The following IGLL5 variants were observed in gnomAD, a reference collection of about 807,000 sequenced individuals.
The protein encoded by IGLL5 is immunoglobulin lambda like polypeptide 5, also known as immunoglobulin lambda-like polypeptide 5.
In IGLL5, 30 loss-of-function variants were observed where a neutral mutation model predicts 20.9. The ratio of observed to expected loss-of-function variants is 1.44; its 90% CI spans 1.07 to 1.95. IGLL5 has a LOEUF of 1.95. Among genes scored for constraint, IGLL5 ranks in the 30% most tolerant of loss-of-function variants. The pLI, the probability that IGLL5 is intolerant of heterozygous loss-of-function variation, is 0.00. For missense variants in IGLL5, 475 were observed against 270.7 expected (o/e 1.75, Z -5.30); for synonymous variants, 203 against 117.3 (o/e 1.73, Z -4.72).
At chr22:22,889,638 A>G (rs2067741676) in intron 1 of IGLL5, among the ~76,000 whole-genome samples, 1 of 151,302 alleles carries the variant, frequency 6.6e-6, no homozygotes, top group Admixed American at 6.6e-5. Context: ...CTCAGGCTGG[A>G]GTACAGTGGC....
At chr22:22,890,172 A>C (rs1288717624) in intron 1 of IGLL5, among the ~76,000 whole-genome samples, 1 of 150,406 alleles carries the variant, frequency 6.6e-6, no homozygotes, top group African/African-American at 2.4e-5. Flanking sequence ...TGCCAAAAAA[A>C]AAAAAGATTA....
At chr22:22,894,762 G>A (rs557236226) in intron 2 of IGLL5, among the ~76,000 whole-genome samples, 1 of 151,392 alleles carries the variant, frequency 6.6e-6, no homozygotes, top group South Asian at 2.1e-4. Context: ...GGCTTGTGGA[G>A]ACAGGAAACA....
intron 2 of IGLL5, 144 bp downstream of exon 2, chr22:22,893,962 T>C (rs999184836): frequency 1.3e-5 from 9 of 693,028 alleles, no homozygotes; most frequent in Admixed American, 4.3e-5. Flanking sequence ...CTGGAGGAGG[T>C]GCATTAGTCT....
chr22:22,889,281 A>G (rs1161759169), intron 1 of IGLL5, among the ~76,000 whole-genome samples: 1 of 151,086 alleles, frequency 6.6e-6, no homozygotes, highest in East Asian at 2.0e-4. Context: ...ATGAAATGGG[A>G]GCATGAAGTT....
At chr22:22,891,353 T>A (rs182266021) in intron 1 of IGLL5, among the ~76,000 whole-genome samples, 1 of 151,356 alleles carries the variant, frequency 6.6e-6, no homozygotes, top group East Asian at 2.0e-4. Context: ...TCTCAATTAC[T>A]ACATTACTGA....
At chr22:22,888,821 T>C (rs563860019) in intron 1 of IGLL5, among the ~76,000 whole-genome samples, 2 of 151,324 alleles carry the variant, frequency 1.3e-5, no homozygotes, top group Admixed American at 6.6e-5. Context: ...GTCCAGTCAT[T>C]GGAACAGGCC....
Position 22,893,934 on chromosome 22 carries a change from T to C in IGLL5, c.325+116T>C, listed in dbSNP as rs1406850062. On this transcript the variant is annotated intron_variant, in intron 2 of 2. Transcript: ENST00000526893. ...CCTCCCAGCCTTAAGCACTGACCCT[T>C]ACCTTTCTCCATGGGGCCTGGAGGA... 37 of 784,054 alleles carry C rather than the reference T, an allele frequency of 4.7e-5. 2 individuals are homozygous for C. The Middle Eastern group carries it at 6.9e-4, about 15-fold the overall frequency. 48.6% of individuals were successfully genotyped at this position (784,054 alleles called of 1,614,324 possible). A position where few individuals can be genotyped will look rare whatever the true frequency, so the allele number is the denominator to read the frequency against.
intron 2 of IGLL5, among the ~76,000 whole-genome samples, chr22:22,894,765 A>G (rs1258532248): frequency 6.6e-6 from 1 of 151,176 alleles, no homozygotes; most frequent in African/African-American, 2.4e-5. Flanking sequence ...TTGTGGAGAC[A>G]GGAAACATCT....
At chr22:22,892,773 G>A (rs1198455095) in intron 1 of IGLL5, among the ~76,000 whole-genome samples, 1 of 150,992 alleles carries the variant, frequency 6.6e-6, no homozygotes, top group African/African-American at 2.4e-5. Context: ...GCACAATGAG[G>A]GTCAGATGCA....
intron 1 of IGLL5, 116 bp downstream of exon 1, chr22:22,888,375 T>A (rs556738113): frequency 2.3e-6 from 2 of 878,268 alleles, no homozygotes; most frequent in Admixed American, 2.7e-5. Flanking sequence ...AAGAGGGGCC[T>A]GGGCTGACAC....
Position 22,887,909 on chromosome 22 carries a change from G to A in IGLL5, c.-145G>A, listed in dbSNP as rs1324405125. 1 of 728,030 alleles carries A rather than the reference G, an allele frequency of 1.4e-6. No homozygotes were observed. Among genetic ancestry groups the A allele is most frequent in the Admixed American group, 2.1e-5 (1 of 47,556 alleles). The allele number at this position is 728,030 out of a possible 1,614,324, so 45.1% of individuals were successfully genotyped here. A position where few individuals can be genotyped will look rare whatever the true frequency, so the allele number is the denominator to read the frequency against. On this transcript the variant is annotated 5_prime_UTR_variant, in exon 1 of 3. Coordinates refer to ENST00000526893, the MANE Select transcript of IGLL5 (RefSeq NM_001178126.2). The stretch of plus-strand genomic sequence containing the variant: ...CTGGAAGGGCCTGGGCTAGGGACAG[G>A]GACCAGAGCCAGTCCAGGGAGAGGA...
At chr22:22,889,099 T>A (rs1423965590) in intron 1 of IGLL5, among the ~76,000 whole-genome samples, 2 of 151,006 alleles carry the variant, frequency 1.3e-5, no homozygotes, top group African/African-American at 4.9e-5. Context: ...AGAGTCAGAT[T>A]TGTGTTTTTG....
Position 22,888,424 on chromosome 22 carries a change from T to A in IGLL5, c.206+165T>A, listed in dbSNP as rs181805234. On this transcript the variant is annotated intron_variant, in intron 1 of 2. Transcript: ENST00000526893. ...GGGTTGATATTTTGTCCATCACAGA[T>A]TTGTTTGAATTACTGTTTTTAATAT... Among the ~76,000 whole-genome samples the A allele has an allele frequency of 2.6e-5, 4 of 151,356 alleles. 1 individual carries two copies. Among genetic ancestry groups the A allele is most frequent in the East Asian group, 2.0e-4 (1 of 4,932 alleles).
In IGLL5 at chr22:22,889,266, T is replaced by A. The variant is rs150686854; in HGVS notation, c.206+1007T>A. On this transcript the variant is annotated intron_variant, in intron 1 of 2. Transcript: ENST00000526893. ...GATTCAGAGCACCCAGGGGCCCAGT[T>A]TCCTATGAAATGGGAGCATGAAGTT... 2.2e-3 allele frequency among the ~76,000 whole-genome samples: 339 copies of A among 151,028 alleles called. 3 individuals are homozygous for A. Among genetic ancestry groups the A allele is most frequent in the African/African-American group, 7.7e-3 (317 of 41,208 alleles).
At position 22,888,243 on chromosome 22, in the gene IGLL5, C is replaced by A. The variant is rs144275260; in HGVS notation, c.190C>A (p.Arg64=). The part of the protein sequence containing the change: ...ASVGSSRSSL[R]SLWGRLLLQP... ...AGTTGGAAGCAGCCGATCCAGCCTG[C>A]GGAGCCTGTGGGGCAGGTAAGGGGC... Residue 64 remains arginine (R), a synonymous_variant, in exon 1 of 3, where the codon CGG becomes AGG. Transcript: ENST00000526893. 1.9e-6 allele frequency: 3 copies of A among 1,547,636 alleles called. No individual in the cohort carries two copies. The highest frequency in any genetic ancestry group is 2.6e-6 in the Non-Finnish European group (3 of 1,146,440).
At chr22:22,888,365 AAG>A in intron 1 of IGLL5, 106 bp downstream of exon 1, 1 of 1,012,878 alleles carries the variant, frequency 9.9e-7, no homozygotes, top group Non-Finnish European at 1.4e-6. Flanking sequence ...GTTAACCCCT[AAG>A]AGGGGCCTGG....
chr22:22,889,071 T>A (rs532720309), intron 1 of IGLL5, among the ~76,000 whole-genome samples: 1 of 151,164 alleles, frequency 6.6e-6, no homozygotes, highest in East Asian at 2.0e-4. Context: ...TTGGATGGAT[T>A]TAGGTAGATT....
chr22:22,888,786 A>C (rs2067646572), intron 1 of IGLL5, among the ~76,000 whole-genome samples: 2 of 151,368 alleles, frequency 1.3e-5, no homozygotes, highest in East Asian at 2.0e-4. Context: ...GGACACAGGG[A>C]GGGTGGGATG....
chr22:22,892,404 G>T (rs545722235), intron 1 of IGLL5, among the ~76,000 whole-genome samples: 9 of 151,108 alleles, frequency 6.0e-5, no homozygotes, highest in Admixed American at 2.0e-4. Context: ...AAAACCTGAG[G>T]ATGGTTGCCA....
Sources: gnomAD v4.1 joint callset for allele counts (sites outside exome capture counted in the v4.1 genomes callset) on GRCh38, gnomAD v4.1.1 for gene constraint, MANE v1.5 for transcripts, NCBI Gene and HGNC (gene_info 2026-07-23, HGNC 2026-07-21) for gene names.